SNX29: variants seen among roughly 807,000 people sequenced by gnomAD.
SNX29 encodes the protein sorting nexin-29.
SNX29 carries 78 observed loss-of-function variants against 102.1 expected under a neutral mutation model. That is an observed-to-expected ratio of 0.76 (90% CI 0.64 to 0.92). The LOEUF (loss-of-function observed/expected upper bound fraction) is 0.92, where lower values mean the gene tolerates loss of function less well. SNX29 is among the 40% of genes least tolerant of loss of function. The pLI, the probability that SNX29 is intolerant of heterozygous loss-of-function variation, is 0.00. For synonymous variants in SNX29, 580 were observed against 414.5 expected (o/e 1.40, Z -4.85); for missense variants, 1,280 against 1,061.7 (o/e 1.21, Z -2.86).
chr16:12,282,144 C>G (rs1197257815), intron 15 of SNX29, among the ~76,000 whole-genome samples: 1 of 150,218 alleles, frequency 6.7e-6, no homozygotes, highest in Non-Finnish European at 1.5e-5. Context: ...AGTTGAGCAC[C>G]AGAGTGCAAA....
At position 12,355,347 on chromosome 16, in the gene SNX29, G is replaced by A. The variant is rs567020956; in HGVS notation, c.1783-816G>A. Among the ~76,000 whole-genome samples, 297 of 152,208 alleles carry A rather than the reference G, an allele frequency of 2.0e-3. 2 individuals carry two copies. Among genetic ancestry groups the A allele is most frequent in the African/African-American group, 6.8e-3 (282 of 41,522 alleles). ...CTCCTTTACTCTGACAGTGTCTTCT[G>A]TAGCTCATGTAAAGTACTTACTGCA... On this transcript the variant is annotated intron_variant, in intron 15 of 20. Transcript: ENST00000566228.
intron 16 of SNX29, among the ~76,000 whole-genome samples, chr16:12,370,232 CAAAACA>C (rs1001672047): frequency 4.5e-4 from 69 of 151,944 alleles, no homozygotes; most frequent in African/African-American, 1.6e-3. Context: ...AGAAACAAAA[CAAAACA>C]AAAACAAAAA....
chr16:12,391,188 C>T (rs1381048418), intron 16 of SNX29, among the ~76,000 whole-genome samples: 1 of 152,172 alleles, frequency 6.6e-6, no homozygotes, highest in Non-Finnish European at 1.5e-5. Context: ...CCAAGCGATC[C>T]TCCTGCATTG....
At chr16:12,192,721 T>C (rs141432611) in intron 13 of SNX29, among the ~76,000 whole-genome samples, 3 of 152,162 alleles carry the variant, frequency 2.0e-5, no homozygotes, top group African/African-American at 7.2e-5. Context: ...TATTTATTTA[T>C]TGAGACAAGG....
chr16:12,337,533 G>A (rs75694740), intron 15 of SNX29, among the ~76,000 whole-genome samples: 3,708 of 152,194 alleles, frequency 0.024, 83 homozygotes, highest in East Asian at 0.13. Context: ...GTAGAGACGA[G>A]GTTTTGCCAT....
chr16:12,111,097 C>T (rs1295175243), intron 11 of SNX29, among the ~76,000 whole-genome samples: 2 of 152,116 alleles, frequency 1.3e-5, no homozygotes, highest in Non-Finnish European at 2.9e-5. Flanking sequence ...CACGTGTGGG[C>T]CAGAAAGCAG....
chr16:12,422,909 G>T (rs1217679528), intron 18 of SNX29, among the ~76,000 whole-genome samples: 1 of 152,192 alleles, frequency 6.6e-6, no homozygotes, highest in African/African-American at 2.4e-5. Flanking sequence ...TTAAAGGTTG[G>T]ACTGGAAATG....
At chr16:12,442,164 T>TAA (rs968605810) in intron 18 of SNX29, among the ~76,000 whole-genome samples, 1 of 149,528 alleles carries the variant, frequency 6.7e-6, no homozygotes, top group African/African-American at 2.5e-5. Context: ...ACAGTTTGTT[T>TAA]AAAAAAAAAA....
At chr16:12,198,722 C>T (rs1567302949) in intron 13 of SNX29, among the ~76,000 whole-genome samples, 1 of 152,244 alleles carries the variant, frequency 6.6e-6, no homozygotes, top group Non-Finnish European at 1.5e-5. Context: ...GTGAGTTTTA[C>T]TGGCGACCTT....
intron 16 of SNX29, among the ~76,000 whole-genome samples, chr16:12,389,405 C>T (rs1264598329): frequency 6.6e-6 from 1 of 152,086 alleles, no homozygotes; most frequent in Admixed American, 6.5e-5. Context: ...GTGATTAAGT[C>T]TCATGAGATC....
intron 20 of SNX29, among the ~76,000 whole-genome samples, chr16:12,567,879 C>T (rs897710798): frequency 1.3e-5 from 2 of 152,164 alleles, no homozygotes; most frequent in Admixed American, 1.3e-4. Context: ...GTGCCGAGGG[C>T]CTCCCACACA....
At chr16:12,306,296 G>A (rs956966095) in intron 15 of SNX29, among the ~76,000 whole-genome samples, 6 of 151,824 alleles carry the variant, frequency 4.0e-5, no homozygotes, top group African/African-American at 1.5e-4. Context: ...ACACGGCATG[G>A]TGATGCCAAC....
chr16:12,505,816 A>T (rs2089352239), intron 19 of SNX29, among the ~76,000 whole-genome samples: 1 of 149,506 alleles, frequency 6.7e-6, no homozygotes, highest in South Asian at 2.1e-4. Context: ...AATGACGTTG[A>T]ATCTGCCAGT....
rs181017175 is a variant in SNX29, at chr16:12,245,553, C to T, written c.1679-32380C>T. 4.3e-4 allele frequency among the ~76,000 whole-genome samples: 66 copies of T among 151,830 alleles called. 1 individual carries two copies. Among genetic ancestry groups the T allele is most frequent in the Admixed American group, 3.6e-3 (55 of 15,224 alleles). ...ATTTATGGGGCAGAAGTCTGTTAAA[C>T]ATCTTTAAAATTAGAGTGATTGTAG... On this transcript the variant is annotated intron_variant, in intron 14 of 20. Transcript: ENST00000566228.
At chr16:12,408,702 C>T (rs190119636) in intron 18 of SNX29, among the ~76,000 whole-genome samples, 183 of 152,292 alleles carry the variant, frequency 1.2e-3, no homozygotes, top group Non-Finnish European at 1.7e-3. Context: ...ACGCTGTAAT[C>T]CCAGCCACTC....
intron 18 of SNX29, among the ~76,000 whole-genome samples, chr16:12,475,044 C>T (rs2087526942): frequency 6.6e-6 from 1 of 152,206 alleles, no homozygotes; most frequent in Admixed American, 6.5e-5. Context: ...TCCATGTGAT[C>T]CTGGCATAGC....
intron 9 of SNX29, among the ~76,000 whole-genome samples, chr16:12,065,800 G>A (rs2151287931): frequency 6.6e-6 from 1 of 152,290 alleles, no homozygotes; most frequent in East Asian, 1.9e-4. Context: ...ACTGGATGCA[G>A]GCCTGTATGC....
chr16:12,446,406 C>T (rs2086056492), intron 18 of SNX29, among the ~76,000 whole-genome samples: 1 of 152,210 alleles, frequency 6.6e-6, no homozygotes, highest in South Asian at 2.1e-4. Flanking sequence ...TGCCTAGAAT[C>T]TTAAAAGCTC....
chr16:12,471,586 C>T (rs2087343538), intron 18 of SNX29, among the ~76,000 whole-genome samples: 1 of 152,232 alleles, frequency 6.6e-6, no homozygotes, highest in African/African-American at 2.4e-5. Context: ...TGTGTACCCA[C>T]AGAGCCTTGG....
Sources: gnomAD v4.1 joint callset for allele counts (sites outside exome capture counted in the v4.1 genomes callset) on GRCh38, gnomAD v4.1.1 for gene constraint, MANE v1.5 for transcripts, NCBI Gene and HGNC (gene_info 2026-07-23, HGNC 2026-07-21) for gene names.